The following ERBIN variants were observed in gnomAD, a reference collection of about 807,000 sequenced individuals.
ERBIN encodes erbb2 interacting protein.
In ERBIN, 60 loss-of-function variants were observed where a neutral mutation model predicts 158.4. The observed-to-expected ratio is 0.38, with a 90% confidence interval of 0.31 to 0.47. ERBIN has a LOEUF of 0.47. ERBIN is among the 20% of genes least tolerant of loss of function. ERBIN has a pLI of 0.99. For missense variants in ERBIN, 1,610 were observed against 1,648.0 expected (o/e 0.98, Z 0.40); for synonymous variants, 594 against 557.2 (o/e 1.07, Z -0.93).
chr5:65,937,718 C>T (rs1370486667), intron 1 of ERBIN, among the ~76,000 whole-genome samples: 2 of 152,122 alleles, frequency 1.3e-5, no homozygotes, highest in African/African-American at 4.8e-5. Flanking sequence ...ACCATCCTGG[C>T]TAACACGGTG....
chr5:66,075,190 A>G lies in ERBIN; in HGVS notation c.3923A>G (p.His1308Arg), dbSNP rs753013910. Residue 1308 changes from histidine to arginine, a missense_variant, in exon 23 of 26, where the codon CAT becomes CGT. Coordinates refer to ENST00000284037, the MANE Select transcript of ERBIN (RefSeq NM_001253697.2). ...VAHQPPYTQPHCSPRQGHELA... is the reference protein window; with the variant it reads ...VAHQPPYTQPRCSPRQGHELA... ...CACCAGCCTCCATATACACAGCCCCATTGTTCTCCTAGACAAGGCCATGAA... is the reference window on the plus strand; with the variant it reads ...CACCAGCCTCCATATACACAGCCCCGTTGTTCTCCTAGACAAGGCCATGAA... 3 of 1,614,072 alleles carry G rather than the reference A, an allele frequency of 1.9e-6. No individual in the cohort carries two copies. The highest frequency in any genetic ancestry group is 3.3e-5 in the Admixed American group (2 of 59,998).
intron 2 of ERBIN, among the ~76,000 whole-genome samples, chr5:65,992,073 A>G (rs973298065): frequency 6.6e-6 from 1 of 152,206 alleles, no homozygotes; most frequent in African/African-American, 2.4e-5. Flanking sequence ...TCTTACTCAG[A>G]AATTAAGTAA....
intron 21 of ERBIN, among the ~76,000 whole-genome samples, chr5:66,068,155 C>T (rs1761191730): frequency 6.6e-6 from 1 of 151,444 alleles, no homozygotes; most frequent in African/African-American, 2.4e-5. Flanking sequence ...GTAGTGAGAC[C>T]TCGTCTCTAC....
intron 7 of ERBIN, among the ~76,000 whole-genome samples, chr5:66,017,364 T>C (rs776882905): frequency 6.6e-6 from 1 of 152,142 alleles, no homozygotes; most frequent in Non-Finnish European, 1.5e-5. Context: ...ATTGCCTGTC[T>C]TTTTTGATAT....
intron 1 of ERBIN, among the ~76,000 whole-genome samples, chr5:65,951,292 CA>C (rs1035823741): frequency 6.6e-6 from 1 of 152,154 alleles, no homozygotes. Flanking sequence ...CTCTCTCTTG[CA>C]TTAGAAATAA....
At chr5:65,931,221 A>G (rs1473189138) in intron 1 of ERBIN, among the ~76,000 whole-genome samples, 7 of 152,248 alleles carry the variant, frequency 4.6e-5, no homozygotes, top group African/African-American at 1.7e-4. Context: ...GGCCATTATT[A>G]TTCAGAGCCC....
intron 22 of ERBIN, among the ~76,000 whole-genome samples, chr5:66,072,835 T>C (rs1761650311): frequency 6.6e-6 from 1 of 152,190 alleles, no homozygotes; most frequent in African/African-American, 2.4e-5. Context: ...TTTTTTCTTA[T>C]TTTCTTAACT....
chr5:65,988,419 G>A (rs1751500951), intron 1 of ERBIN, among the ~76,000 whole-genome samples: 1 of 150,284 alleles, frequency 6.7e-6, no homozygotes, highest in Admixed American at 6.6e-5. Flanking sequence ...TGGTAAATAT[G>A]TGTGTGTGTG....
intron 1 of ERBIN, among the ~76,000 whole-genome samples, chr5:65,967,748 A>G (rs1748822687): frequency 6.6e-6 from 1 of 152,244 alleles, no homozygotes; most frequent in Non-Finnish European, 1.5e-5. Context: ...GAAATAAACC[A>G]TCTGAAACTT....
At chr5:65,949,412 G>A (rs1197082682) in intron 1 of ERBIN, among the ~76,000 whole-genome samples, 3 of 152,158 alleles carry the variant, frequency 2.0e-5, no homozygotes, top group South Asian at 2.1e-4. Context: ...GACTGTACTA[G>A]CTAAAAAACA....
At chr5:66,005,843 G>T (rs995281298) in intron 4 of ERBIN, among the ~76,000 whole-genome samples, 1 of 152,150 alleles carries the variant, frequency 6.6e-6, no homozygotes, top group African/African-American at 2.4e-5. Context: ...TACAAGGGAC[G>T]TGAAGGACCT....
At chr5:66,007,705 A>G (rs1311970093) in intron 4 of ERBIN, among the ~76,000 whole-genome samples, 2 of 152,244 alleles carry the variant, frequency 1.3e-5, no homozygotes, top group Non-Finnish European at 2.9e-5. Flanking sequence ...CTTCTCATGA[A>G]AAAGGACTGT....
In ERBIN at chr5:66,029,041, T is replaced by A. The variant is rs1014470858; in HGVS notation, c.1206+698T>A. Among the ~76,000 whole-genome samples the A allele has an allele frequency of 2.0e-5, 3 of 152,170 alleles. No individual in the cohort carries two copies. In the East Asian group the frequency reaches 5.8e-4, roughly 29 times the overall value. On this transcript the variant is annotated intron_variant, in intron 14 of 25. Transcript: ENST00000284037. The stretch of plus-strand genomic sequence containing the variant: ...TGTGTATTTGTGTACACACACTACA[T>A]TTTCTTTGTTCATTCATCCATTCAT...
intron 21 of ERBIN, among the ~76,000 whole-genome samples, chr5:66,062,826 GTATCAGCAGCACTGGC>G (rs1760562401): frequency 2.0e-5 from 3 of 152,168 alleles, no homozygotes; most frequent in Admixed American, 1.3e-4. Context: ...GTTTGCCTGG[GTATCAGCAGCACTGGC>G]TGCAGAACAG....
At chr5:66,066,888 A>G (rs1761054393) in intron 21 of ERBIN, among the ~76,000 whole-genome samples, 1 of 152,240 alleles carries the variant, frequency 6.6e-6, no homozygotes, top group Admixed American at 6.5e-5. Context: ...ACAAACCTGA[A>G]TTTAAAACCA....
At chr5:66,072,345 G>A (rs1392595845) in intron 22 of ERBIN, 54 bp downstream of exon 22, 1 of 1,535,522 alleles carries the variant, frequency 6.5e-7, no homozygotes, top group Non-Finnish European at 8.8e-7. Context: ...ATATTTTGCA[G>A]CTTTTGGACT....
chr5:65,939,721 A>C (rs1210552490), intron 1 of ERBIN, among the ~76,000 whole-genome samples: 1 of 152,040 alleles, frequency 6.6e-6, no homozygotes, highest in African/African-American at 2.4e-5. Flanking sequence ...TGGTTTTCCT[A>C]TTTTTTTGGT....
At chr5:66,060,635 G>T (rs1011904716) in intron 21 of ERBIN, among the ~76,000 whole-genome samples, 3 of 152,096 alleles carry the variant, frequency 2.0e-5, no homozygotes, top group Non-Finnish European at 4.4e-5. Flanking sequence ...TGATGTTAGG[G>T]TGTCAATTTT....
chr5:65,988,930 C>G (rs1323018050), intron 2 of ERBIN, among the ~76,000 whole-genome samples: 1 of 144,764 alleles, frequency 6.9e-6, no homozygotes. Flanking sequence ...CTGCAGTGAG[C>G]CAAGATCGCA....
Sources: allele counts gnomAD v4.1 joint callset (sites outside exome capture counted in the v4.1 genomes callset), GRCh38; gene constraint gnomAD v4.1.1; transcripts MANE v1.5; gene names NCBI Gene and HGNC (gene_info 2026-07-23, HGNC 2026-07-21).